Variants in OR2A25 observed in about 807,000 individuals in gnomAD.
OR2A25 encodes the protein olfactory receptor family 2 subfamily A member 25.
For synonymous variants in OR2A25, 162 were observed against 148.1 expected (o/e 1.09, Z -0.68); for missense variants, 362 against 368.3 (o/e 0.98, Z 0.14).
chr7:144,074,596 G>T lies in OR2A25; in HGVS notation c.377G>T (p.Cys126Phe). Residue 126 changes from cysteine (C) to phenylalanine (F), a missense_variant, in exon 2 of 2, where the codon TGC (cysteine) becomes TTC (phenylalanine). Coordinates refer to ENST00000641663, the MANE Select transcript of OR2A25 (RefSeq NM_001386096.1). Reference protein sequence around the residue: ...VMSYDRYVAICHPLRYSTIMT... With the variant: ...VMSYDRYVAIFHPLRYSTIMT... ...TCCTATGATCGGTACGTGGCCATCT[G>T]CCACCCTCTCCGATATTCTACCATC... 1 of 1,614,164 alleles carries T rather than the reference G, an allele frequency of 6.2e-7. No homozygotes were observed. The highest frequency in any genetic ancestry group is 1.7e-5 in the Admixed American group (1 of 60,024).
In OR2A25 at chr7:144,074,526, T is replaced by G. The variant is rs1284393747; in HGVS notation, c.307T>G (p.Phe103Val). The G allele has an allele frequency of 6.2e-7, 1 of 1,614,064 alleles. No individual in the cohort carries two copies. Among genetic ancestry groups the G allele is most frequent in the Non-Finnish European group, 8.5e-7 (1 of 1,180,046 alleles). The stretch of plus-strand genomic sequence containing the variant: ...TGGCTGCATGACCCAGATGTTTCTG[T>G]TTTTGAGTTTTGCACATACAGAATG... Reference protein sequence around the residue: ...FAGCMTQMFLFLSFAHTECLL... With the variant: ...FAGCMTQMFLVLSFAHTECLL... Residue 103 changes from phenylalanine to valine, a missense_variant, in exon 2 of 2, where the codon TTT becomes GTT. By Grantham distance (50) the Phe-to-Val change is conservative. Transcript: ENST00000641663.
At chr7:144,071,494 C>T (rs1563034480) in intron 1 of OR2A25, among the ~76,000 whole-genome samples, 1 of 152,034 alleles carries the variant, frequency 6.6e-6, no homozygotes, top group Non-Finnish European at 1.5e-5. Flanking sequence ...GTGCAGATAT[C>T]TCTTCGATAT....
At chr7:144,073,811 T>C (rs557608646) in intron 1 of OR2A25, among the ~76,000 whole-genome samples, 2 of 152,284 alleles carry the variant, frequency 1.3e-5, no homozygotes, top group East Asian at 3.9e-4. Flanking sequence ...TCCTTATATA[T>C]AGACATAGAC....
In OR2A25 at chr7:144,075,433, T is replaced by C. The variant is rs2051105986; in HGVS notation, c.*281T>C. 2 of 244,612 alleles carry C rather than the reference T, an allele frequency of 8.2e-6. No homozygotes were observed. Among genetic ancestry groups the C allele is most frequent in the South Asian group, 9.7e-5 (1 of 10,282 alleles). The allele number at this position is 244,612 out of a possible 1,614,324, so 15.2% of individuals were successfully genotyped here. ...TCTGAAAGTTGGAAATAAATGTGTA[T>C]CTTTTTGTTCTGTAAATAAGACTTG... On this transcript the variant is annotated 3_prime_UTR_variant, in exon 2 of 2. Transcript: ENST00000641663.
intron 1 of OR2A25, among the ~76,000 whole-genome samples, chr7:144,072,087 T>C (rs1406835151): frequency 6.6e-6 from 1 of 152,128 alleles, no homozygotes; most frequent in Non-Finnish European, 1.5e-5. Flanking sequence ...ATTTCTACTT[T>C]GAATTATGAT....
rs373368497 is a variant in OR2A25 at position 144,075,203 on chromosome 7, A to T, written c.*51A>T. On this transcript the variant is annotated 3_prime_UTR_variant, in exon 2 of 2. Transcript: ENST00000641663. ...TGGCTTCAAAGGGCTTTGAGATTAC[A>T]TCTGAACCCATCCCTACTCAGGATA... 8 of 1,246,882 alleles carry T rather than the reference A, an allele frequency of 6.4e-6. No individual in the cohort carries two copies. Among genetic ancestry groups the T allele is most frequent in the South Asian group, 4.2e-5 (3 of 71,416 alleles). 77.2% of individuals were successfully genotyped at this position (1,246,882 alleles called of 1,614,324 possible). A position where few individuals can be genotyped will look rare whatever the true frequency, so the allele number is the denominator to read the frequency against.
Position 144,074,387 on chromosome 7 carries a change from C to G in OR2A25, c.168C>G (p.Thr56=), listed in dbSNP as rs935343089. Reference sequence around the variant, plus strand: ...TCTCACTGGACTCCAGACTCCACACCCCCATGTACTTCTTCCTCTCACACC... The same window carrying G: ...TCTCACTGGACTCCAGACTCCACACGCCCATGTACTTCTTCCTCTCACACC... ...GLISLDSRLH[T]PMYFFLSHLA... Residue 56 remains threonine (T), a synonymous_variant, in exon 2 of 2, where the codon ACC becomes ACG. Transcript: ENST00000641663. 6 of 1,614,116 alleles carry G rather than the reference C, an allele frequency of 3.7e-6. No homozygotes were observed. Among genetic ancestry groups the G allele is most frequent in the South Asian group, 1.1e-5 (1 of 91,080 alleles).
intron 1 of OR2A25, 89 bp from the exon 2 acceptor site, chr7:144,074,127 A>T: frequency 1.7e-6 from 2 of 1,197,678 alleles, no homozygotes; most frequent in South Asian, 1.5e-5. Flanking sequence ...TTCTTAGAAA[A>T]CACTCAAACA....
chr7:144,070,848 AG>A (rs1416266969), intron 1 of OR2A25, among the ~76,000 whole-genome samples: 1 of 152,170 alleles, frequency 6.6e-6, no homozygotes, highest in African/African-American at 2.4e-5. Flanking sequence ...GGTACATAGT[AG>A]GTGTATATAT....
intron 1 of OR2A25, among the ~76,000 whole-genome samples, chr7:144,073,322 A>T (rs983472171): frequency 6.6e-6 from 1 of 152,188 alleles, no homozygotes. Context: ...TTTATAAATT[A>T]AATGAGTATA....
At chr7:144,073,382 T>A (rs1217678809) in intron 1 of OR2A25, among the ~76,000 whole-genome samples, 1 of 151,910 alleles carries the variant, frequency 6.6e-6, no homozygotes, top group Non-Finnish European at 1.5e-5. Flanking sequence ...TATGTATCAA[T>A]TAAAAATTGT....
Position 144,074,343 on chromosome 7 carries a change from G to C in OR2A25, c.124G>C (p.Gly42Arg), listed in dbSNP as rs375952035. 25 of 1,613,994 alleles carry C rather than the reference G, an allele frequency of 1.5e-5. No individual in the cohort carries two copies. The African/African-American group carries it at 3.1e-4, about 20-fold the overall frequency. ...LFYIFILLGN[G>R]TILGLISLDS... ...CTACATCTTCATTCTGTTGGGGAACGGGACAATCCTGGGGCTCATCTCACT... is the reference window on the plus strand; with the variant it reads ...CTACATCTTCATTCTGTTGGGGAACCGGACAATCCTGGGGCTCATCTCACT... The change falls in exon 2 of 2, where the codon GGG becomes CGG. Residue 42 changes from glycine to arginine, a missense_variant. Physicochemically the swap from Gly to Arg is moderately radical, Grantham distance 125. Transcript: ENST00000641663.
chr7:144,074,452 C>T lies in OR2A25; in HGVS notation c.233C>T (p.Pro78Leu). The T allele has an allele frequency of 6.2e-7, 1 of 1,614,160 alleles. No homozygotes were observed. Among genetic ancestry groups the T allele is most frequent in the Non-Finnish European group, 8.5e-7 (1 of 1,180,012 alleles). Residue 78 changes from proline to leucine, a missense_variant, in exon 2 of 2, where the codon CCC becomes CTC. Transcript: ENST00000641663. ...VDIACACSTV[P>L]QMLVNLLHPA... is the part of the protein sequence containing the mutation. ...ATCGCCTGTGCTTGCAGCACGGTGC[C>T]CCAGATGCTGGTGAACCTCCTGCAT...
intron 1 of OR2A25, among the ~76,000 whole-genome samples, chr7:144,071,213 T>A (rs184621905): frequency 3.9e-5 from 6 of 152,034 alleles, no homozygotes; most frequent in African/African-American, 1.4e-4. Flanking sequence ...CTACTCTGTA[T>A]GTCCATGAGT....
At chr7:144,071,312 G>A (rs1008826702) in intron 1 of OR2A25, among the ~76,000 whole-genome samples, 3 of 152,164 alleles carry the variant, frequency 2.0e-5, no homozygotes, top group African/African-American at 7.2e-5. Flanking sequence ...TTAACATAAT[G>A]ATTTCCATTT....
rs139703195 is a variant in OR2A25, at chr7:144,073,994, G to C, written c.-4-222G>C. Among the ~76,000 whole-genome samples the C allele has an allele frequency of 8.8e-4, 133 of 151,902 alleles. 2 individuals are homozygous for C. In the East Asian group the frequency reaches 0.022, roughly 25 times the overall value. Reference sequence around the variant, plus strand: ...AGTAGATTTGAAAATAAGATGTAATGAATACTATAATATCATACTAACATT... The same window carrying C: ...AGTAGATTTGAAAATAAGATGTAATCAATACTATAATATCATACTAACATT... On this transcript the variant is annotated intron_variant, in intron 1 of 1. Transcript: ENST00000641663.
Position 144,075,300 on chromosome 7 carries a change from T to C in OR2A25, c.*148T>C. ...TATGACTACCTCCCGAGAAAGCCCA[T>C]TCTGCTTTCCTCTCTCCAGCATTGA... On this transcript the variant is annotated 3_prime_UTR_variant, in exon 2 of 2. Transcript: ENST00000641663. 1 of 623,904 alleles carries C rather than the reference T, an allele frequency of 1.6e-6. No homozygotes were observed. Among genetic ancestry groups the C allele is most frequent in the South Asian group, 2.1e-5 (1 of 48,440 alleles). The allele number at this position is 623,904 out of a possible 1,614,324, so 38.6% of individuals were successfully genotyped here. A position where few individuals can be genotyped will look rare whatever the true frequency, so the allele number is the denominator to read the frequency against.
rs376130856 is a variant in OR2A25, at chr7:144,074,385, AC to A, written c.171del (p.Met58CysfsTer25). On this transcript the variant is annotated frameshift_variant, in exon 2 of 2. Coordinates refer to ENST00000641663, the MANE Select transcript of OR2A25 (RefSeq NM_001386096.1). LOFTEE classifies it low-confidence loss of function (END_TRUNC). ...CATCTCACTGGACTCCAGACTCCACACCCCCATGTACTTCTTCCTCTCACAC... is the reference window on the plus strand; with the variant it reads ...CATCTCACTGGACTCCAGACTCCACACCCCATGTACTTCTTCCTCTCACAC... The part of the protein sequence containing the change: ...GLISLDSRLH[T>X]PMYFFLSHLA... 42 of 1,613,268 alleles carry A rather than the reference AC, an allele frequency of 2.6e-5. No individual in the cohort carries two copies. The African/African-American group carries it at 4.9e-4, about 19-fold the overall frequency.
chr7:144,073,388 A>T (rs552402190), intron 1 of OR2A25, among the ~76,000 whole-genome samples: 2 of 152,048 alleles, frequency 1.3e-5, no homozygotes, highest in Admixed American at 1.3e-4. Context: ...TCAATTAAAA[A>T]TTGTTAAAAA....
Sources: gnomAD v4.1 joint callset for allele counts (sites outside exome capture counted in the v4.1 genomes callset) on GRCh38, gnomAD v4.1.1 for gene constraint, MANE v1.5 for transcripts, NCBI Gene and HGNC (gene_info 2026-07-23, HGNC 2026-07-21) for gene names.